RBPJ: variants seen among roughly 807,000 people sequenced by gnomAD.
RBPJ encodes the protein recombining binding protein suppressor of hairless.
A neutral mutation model predicts 67.8 loss-of-function variants in RBPJ; 9 were observed. The ratio of observed to expected loss-of-function variants is 0.13; its 90% CI spans 0.08 to 0.23. RBPJ has a LOEUF of 0.23. RBPJ is among the 10% of genes least tolerant of loss of function. RBPJ has a pLI of 1.00. For synonymous variants in RBPJ, 198 were observed against 203.3 expected (o/e 0.97, Z 0.22); for missense variants, 305 against 595.6 (o/e 0.51, Z 5.08).
At chr4:26,200,081 G>A (rs148457688) in intron 1 of RBPJ, among the ~76,000 whole-genome samples, 147 of 152,260 alleles carry the variant, frequency 9.7e-4, no homozygotes, top group Non-Finnish European at 1.6e-3. Context: ...GCCTCTCTTC[G>A]CCACCTCAAG....
chr4:26,188,457 T>C (rs1717356669), intron 1 of RBPJ, among the ~76,000 whole-genome samples: 1 of 152,216 alleles, frequency 6.6e-6, no homozygotes, highest in South Asian at 2.1e-4. Flanking sequence ...AGGTCAAGAC[T>C]TTTAAATAAG....
chr4:26,421,072 C>G (rs1047603407), intron 5 of RBPJ, among the ~76,000 whole-genome samples: 1 of 152,054 alleles, frequency 6.6e-6, no homozygotes, highest in African/African-American at 2.4e-5. Flanking sequence ...AGTTCCCATT[C>G]CACAAAGAAT....
chr4:26,308,535 ACAG>A (rs1722322315), intron 1 of RBPJ, among the ~76,000 whole-genome samples: 1 of 152,262 alleles, frequency 6.6e-6, no homozygotes, highest in African/African-American at 2.4e-5. Context: ...TAACCTAATT[ACAG>A]CAGCAACTAT....
At chr4:26,379,082 G>A (rs1730050046) in intron 1 of RBPJ, among the ~76,000 whole-genome samples, 2 of 152,090 alleles carry the variant, frequency 1.3e-5, no homozygotes, top group African/African-American at 2.4e-5. Flanking sequence ...AGATGTTTCT[G>A]TACAGCAAAT....
intron 1 of RBPJ, among the ~76,000 whole-genome samples, chr4:26,296,877 A>G (rs1721892033): frequency 6.6e-6 from 1 of 152,186 alleles, no homozygotes; most frequent in Non-Finnish European, 1.5e-5. Context: ...CTTGGCATAC[A>G]TAGAAGCCCA....
the RBPJ span, among the ~76,000 whole-genome samples, chr4:26,154,446 G>A: frequency 2.0e-5 from 3 of 152,128 alleles, no homozygotes; most frequent in Admixed American, 2.0e-4. Flanking sequence ...ACACCGTGTG[G>A]ACTCACCTGC....
At chr4:26,254,558 A>G (rs1177463800) in intron 1 of RBPJ, among the ~76,000 whole-genome samples, 1 of 148,268 alleles carries the variant, frequency 6.7e-6, no homozygotes. Flanking sequence ...AAAGCACTCA[A>G]TACTTTGATT....
At chr4:26,347,832 C>T (rs1487094086) in intron 1 of RBPJ, among the ~76,000 whole-genome samples, 2 of 152,026 alleles carry the variant, frequency 1.3e-5, no homozygotes, top group African/African-American at 4.8e-5. Context: ...TAATGAAAAG[C>T]CTGAATTAAA....
chr4:26,274,356 G>A (rs1317107605), intron 1 of RBPJ, among the ~76,000 whole-genome samples: 1 of 152,120 alleles, frequency 6.6e-6, no homozygotes, highest in Non-Finnish European at 1.5e-5. Context: ...GGCCAGACAC[G>A]GTGGCTCACC....
chr4:26,380,294 C>T (rs539414097), intron 1 of RBPJ, among the ~76,000 whole-genome samples: 20 of 152,178 alleles, frequency 1.3e-4, no homozygotes, highest in African/African-American at 4.6e-4. Context: ...GAAGCTACAT[C>T]GTTGTTCATT....
At chr4:26,197,748 C>G (rs932833648) in intron 1 of RBPJ, among the ~76,000 whole-genome samples, 1 of 152,026 alleles carries the variant, frequency 6.6e-6, no homozygotes, top group Non-Finnish European at 1.5e-5. Context: ...TATGGGCACC[C>G]CTGGCCGCTT....
chr4:26,265,029 G>A (rs1720658531), intron 1 of RBPJ, among the ~76,000 whole-genome samples: 1 of 152,164 alleles, frequency 6.6e-6, no homozygotes, highest in Non-Finnish European at 1.5e-5. Flanking sequence ...GAGAAAAATA[G>A]GGGTATAGGC....
chr4:26,192,892 A>G (rs1267210194), intron 1 of RBPJ, among the ~76,000 whole-genome samples: 2 of 152,222 alleles, frequency 1.3e-5, no homozygotes, highest in Admixed American at 1.3e-4. Flanking sequence ...GTGTGATTAC[A>G]TTAGAGATCC....
intron 1 of RBPJ, among the ~76,000 whole-genome samples, chr4:26,335,856 C>G (rs1724773915): frequency 6.6e-6 from 1 of 151,720 alleles, no homozygotes. Flanking sequence ...AACTTCTGAC[C>G]TTGTGATCCA....
intron 7 of RBPJ, among the ~76,000 whole-genome samples, chr4:26,427,294 T>C (rs1457798536): frequency 6.6e-6 from 1 of 151,972 alleles, no homozygotes; most frequent in East Asian, 1.9e-4. Context: ...CCTAGATGAG[T>C]TGGGGAAGGA....
intron 3 of RBPJ, among the ~76,000 whole-genome samples, chr4:26,407,161 A>G (rs1458019189): frequency 6.6e-6 from 1 of 152,200 alleles, no homozygotes; most frequent in Non-Finnish European, 1.5e-5. Flanking sequence ...TTTGGTGGAA[A>G]ATGTAGTTTT....
At chr4:26,135,295 C>T in the RBPJ span, among the ~76,000 whole-genome samples, 1 of 152,116 alleles carries the variant, frequency 6.6e-6, no homozygotes, top group African/African-American at 2.4e-5. Flanking sequence ...TTGTGATGAG[C>T]AACTTGCATC....
At chr4:26,205,900 AT>A (rs1018813574) in intron 1 of RBPJ, among the ~76,000 whole-genome samples, 11 of 152,110 alleles carry the variant, frequency 7.2e-5, no homozygotes, top group African/African-American at 2.7e-4. Flanking sequence ...GCCTAAAAAA[AT>A]TTTTTAAGAA....
chr4:26,403,483 G>A (rs1733064667), intron 2 of RBPJ, among the ~76,000 whole-genome samples: 1 of 152,032 alleles, frequency 6.6e-6, no homozygotes, highest in Non-Finnish European at 1.5e-5. Context: ...TCATCACCCA[G>A]GTATTACGCC....
Sources: allele counts gnomAD v4.1 joint callset (sites outside exome capture counted in the v4.1 genomes callset), GRCh38; gene constraint gnomAD v4.1.1; transcripts MANE v1.5; gene names NCBI Gene and HGNC (gene_info 2026-07-23, HGNC 2026-07-21).